The following N4BP2 variants were observed in gnomAD, a reference collection of about 807,000 sequenced individuals.
N4BP2 encodes NEDD4 binding protein 2, also known as NEDD4-binding protein 2.
In N4BP2, 91 loss-of-function variants were observed where a neutral mutation model predicts 152.8. The observed-to-expected ratio is 0.60, with a 90% CI of 0.50 to 0.71. The LOEUF is 0.71. Ranked by LOEUF, N4BP2 falls within the 30% of genes least tolerant of loss-of-function variation. The probability of loss-of-function intolerance (pLI) is 0.00; values close to 1 mark genes in which losing one functional copy is unlikely to be tolerated. For synonymous variants in N4BP2, 646 were observed against 705.3 expected (o/e 0.92, Z 1.33); for missense variants, 1,923 against 2,059.1 (o/e 0.93, Z 1.28).
chr4:40,079,871 G>A (rs748903374), intron 2 of N4BP2, among the ~76,000 whole-genome samples: 1 of 152,122 alleles, frequency 6.6e-6, no homozygotes, highest in South Asian at 2.1e-4. Flanking sequence ...ATGATAATCA[G>A]TGAGCAAGTA....
intron 2 of N4BP2, among the ~76,000 whole-genome samples, chr4:40,087,495 C>G (rs750415285): frequency 6.6e-6 from 1 of 152,078 alleles, no homozygotes; most frequent in Non-Finnish European, 1.5e-5. Context: ...TCTGGAGTAG[C>G]TGAGATTACA....
downstream of N4BP2, among the ~76,000 whole-genome samples, chr4:40,160,468 C>T (rs1560659279): frequency 1.3e-5 from 2 of 152,144 alleles, no homozygotes; most frequent in Non-Finnish European, 1.5e-5. Context: ...GGCAGTGGAG[C>T]GAGCTGCAGC....
At chr4:40,181,617 G>T in the N4BP2 span, among the ~76,000 whole-genome samples, 1 of 152,174 alleles carries the variant, frequency 6.6e-6, no homozygotes, top group Non-Finnish European at 1.5e-5. Context: ...ACAGTTCAAG[G>T]TGGCTGCTCA....
intron 15 of N4BP2, 122 bp downstream of exon 15, chr4:40,142,983 A>C (rs1720182128): frequency 1.3e-6 from 1 of 756,086 alleles, no homozygotes; most frequent in Admixed American, 2.8e-5. Context: ...TAGTTATGTA[A>C]GTGACATAAA....
chr4:40,062,405 C>G (rs902700076), intron 1 of N4BP2, among the ~76,000 whole-genome samples: 3 of 152,098 alleles, frequency 2.0e-5, no homozygotes, highest in African/African-American at 7.2e-5. Context: ...TCATGTCTCA[C>G]CTGGGTTGTT....
In N4BP2 at chr4:40,155,796, A is replaced by G. The variant is rs1398005666; in HGVS notation, c.*1559A>G. ...AGAATGGTTTTCCAAAAGAGCAGAC[A>G]TTTCAATGAAAATAAAACCCCAAAA... On this transcript the variant is annotated 3_prime_UTR_variant, in exon 18 of 18. Coordinates refer to ENST00000261435, the MANE Select transcript of N4BP2 (RefSeq NM_018177.6). 6.6e-6 allele frequency: 1 copy of G among 152,206 alleles called. No homozygotes were observed. The highest frequency in any genetic ancestry group is 2.4e-5 in the African/African-American group (1 of 41,476). 9.4% of individuals were successfully genotyped at this position (152,206 alleles called of 1,614,324 possible).
intron 17 of N4BP2, among the ~76,000 whole-genome samples, chr4:40,153,871 C>A (rs185425874): frequency 2.6e-5 from 4 of 152,276 alleles, no homozygotes; most frequent in Admixed American, 2.6e-4. Flanking sequence ...CTTCTTGGTG[C>A]TTTCATGATG....
At chr4:40,167,951 T>C in the N4BP2 span, 3 of 152,152 alleles carry the variant, frequency 2.0e-5, no homozygotes, top group African/African-American at 7.2e-5. Flanking sequence ...TTTATCTTAT[T>C]GGGTGGAGGG....
chr4:40,181,931 A>C, the N4BP2 span, among the ~76,000 whole-genome samples: 2 of 152,256 alleles, frequency 1.3e-5, no homozygotes, highest in African/African-American at 2.4e-5. Flanking sequence ...CCTGTGCAAC[A>C]GAGCAAGACT....
chr4:40,187,659 A>T, the N4BP2 span, among the ~76,000 whole-genome samples: 3 of 152,210 alleles, frequency 2.0e-5, no homozygotes, highest in African/African-American at 7.2e-5. Flanking sequence ...TAACCTGTTC[A>T]GATTATGAAT....
Position 40,121,771 on chromosome 4 carries a change from A to G in N4BP2, c.3660A>G (p.Ile1220Met), listed in dbSNP as rs1055322903. Residue 1220 changes from isoleucine to methionine, a missense_variant, in exon 9 of 18, where the codon ATA becomes ATG. Physicochemically the swap from Ile to Met is conservative, Grantham distance 10. Coordinates refer to ENST00000261435, the MANE Select transcript of N4BP2 (RefSeq NM_018177.6). Reference protein sequence around the residue: ...TPENHESMTSIFPSAAVGLKN... With the variant: ...TPENHESMTSMFPSAAVGLKN... ...AAAACCATGAATCGATGACAAGTAT[A>G]TTTCCCAGTGCTGCTGTGGGTCTAA... The G allele has an allele frequency of 2.5e-6, 4 of 1,614,004 alleles. No homozygotes were observed. The East Asian group carries it at 8.9e-5, about 36-fold the overall frequency.
At chr4:40,163,091 ATTGT>A (rs151090835), downstream of N4BP2, among the ~76,000 whole-genome samples, 3,137 of 152,300 alleles carry the variant, frequency 0.021, 113 homozygotes, top group African/African-American at 0.07. Flanking sequence ...TATCTGCCAA[ATTGT>A]TTGTTAGAAC....
intron 1 of N4BP2, among the ~76,000 whole-genome samples, chr4:40,057,685 A>G (rs1034739119): frequency 1.3e-5 from 2 of 151,940 alleles, no homozygotes; most frequent in East Asian, 3.9e-4. Context: ...GACTCTCTCT[A>G]AGCCGTCCGT....
In N4BP2 at chr4:40,102,457, GAATTCTGGTTCTACTTT is replaced by G; in HGVS notation, c.615_631del (p.Asn205LysfsTer21). The G allele has an allele frequency of 6.2e-7, 1 of 1,613,260 alleles. No homozygotes were observed. The highest frequency in any genetic ancestry group is 1.1e-5 in the South Asian group (1 of 90,956). On this transcript the variant is annotated frameshift_variant, in exon 4 of 18. Coordinates refer to ENST00000261435, the MANE Select transcript of N4BP2 (RefSeq NM_018177.6). LOFTEE classifies it high-confidence loss of function. ...TGAATTTGAACGGTGAAAATTTAGAGAATTCTGGTTCTACTTTAAGTTTAAACCCATTACCTTCACAT... is the reference window on the plus strand; with the variant it reads ...TGAATTTGAACGGTGAAAATTTAGAGAAGTTTAAACCCATTACCTTCACAT...
intron 1 of N4BP2, among the ~76,000 whole-genome samples, chr4:40,060,222 A>C (rs1489908492): frequency 1.3e-5 from 2 of 152,058 alleles, no homozygotes; most frequent in Non-Finnish European, 2.9e-5. Flanking sequence ...ATTGTGGTTA[A>C]TCAATTCTAT....
chr4:40,104,441 G>T (rs1716046361), intron 4 of N4BP2, among the ~76,000 whole-genome samples: 1 of 150,968 alleles, frequency 6.6e-6, no homozygotes. Context: ...TCTGTGTCTG[G>T]GTTTCTCTGC....
chr4:40,113,407 A>ATAGAAAAAATTAT, intron 6 of N4BP2, 25 bp from the exon 7 acceptor site: 1 of 1,487,464 alleles, frequency 6.7e-7, no homozygotes, highest in Non-Finnish European at 9.3e-7. Context: ...CTATTTTAAA[A>ATAGAAAAAATTAT]TGTTTTTGTC....
At chr4:40,065,887 T>C (rs1489303976) in intron 1 of N4BP2, among the ~76,000 whole-genome samples, 1 of 151,798 alleles carries the variant, frequency 6.6e-6, no homozygotes, top group Non-Finnish European at 1.5e-5. Context: ...AAGTATCTAG[T>C]AGAGTATTTT....
intron 1 of N4BP2, among the ~76,000 whole-genome samples, chr4:40,067,124 C>A (rs1323174153): frequency 1.5e-5 from 2 of 136,604 alleles, no homozygotes; most frequent in Non-Finnish European, 3.0e-5. Context: ...GTGGTGTGAT[C>A]ATGGCTCACT....
Sources: allele counts gnomAD v4.1 joint callset (sites outside exome capture counted in the v4.1 genomes callset), GRCh38; gene constraint gnomAD v4.1.1; transcripts MANE v1.5; gene names NCBI Gene and HGNC (gene_info 2026-07-23, HGNC 2026-07-21).